HINT3: variants seen among roughly 807,000 people sequenced by gnomAD.
HINT3 encodes the protein adenosine 5'-monophosphoramidase HINT3.
A neutral mutation model predicts 19.1 loss-of-function variants in HINT3; 16 were observed. The observed-to-expected ratio is 0.84, with a 90% CI of 0.57 to 1.27. The LOEUF is 1.27. Among genes scored for constraint, HINT3 ranks in the 50% most tolerant of loss-of-function variants. The pLI is 0.00. For synonymous variants in HINT3, 75 were observed against 84.8 expected, an observed-to-expected ratio of 0.88 and a Z score of 0.63; for missense variants, 197 against 225.8, an observed-to-expected ratio of 0.87 and a Z score of 0.82.
chr6:125,972,011 A>C (rs1362287586), intron 2 of HINT3, among the ~76,000 whole-genome samples: 1 of 151,754 alleles, frequency 6.6e-6, no homozygotes, highest in Non-Finnish European at 1.5e-5. Context: ...GCGCCTGGCC[A>C]CCCAGCTACT....
chr6:125,962,583 A>C (rs2128710865), intron 1 of HINT3, among the ~76,000 whole-genome samples: 1 of 152,254 alleles, frequency 6.6e-6, no homozygotes, highest in South Asian at 2.1e-4. Context: ...GGTTTATATA[A>C]AGTGTAATTC....
At chr6:125,965,357 T>C (rs1449699162) in intron 1 of HINT3, among the ~76,000 whole-genome samples, 3 of 152,166 alleles carry the variant, frequency 2.0e-5, no homozygotes, top group Non-Finnish European at 4.4e-5. Flanking sequence ...TTTAAAAAAT[T>C]AATGCCGTAA....
intron 3 of HINT3, among the ~76,000 whole-genome samples, chr6:125,972,983 T>C (rs1433716267): frequency 6.6e-6 from 1 of 151,842 alleles, no homozygotes; most frequent in Non-Finnish European, 1.5e-5. Flanking sequence ...TAAAAACACA[T>C]GATTATAATT....
Position 125,967,003 on chromosome 6 carries a change from G to T in HINT3, c.318G>T (p.Leu106=). The T allele has an allele frequency of 6.4e-7, 1 of 1,552,188 alleles. No homozygotes were observed. The highest frequency in any genetic ancestry group is 1.1e-5 in the South Asian group (1 of 89,078). Residue 106 remains leucine (L), a splice_region_variant and synonymous_variant, in exon 2 of 5, where the codon CTG becomes CTT. Coordinates refer to ENST00000229633, the MANE Select transcript of HINT3 (RefSeq NM_138571.5). ...CTCTAAGGAAAGATCAAGTAGAACT[G>T]GGTAAGATGATGGCAGTATTCTTCA... ...CRTLRKDQVE[L]VENMVTVGKT...
chr6:125,957,411 G>A (rs1788856571), intron 1 of HINT3, among the ~76,000 whole-genome samples: 2 of 152,256 alleles, frequency 1.3e-5, no homozygotes, highest in Non-Finnish European at 1.5e-5. Context: ...GGGACTGACA[G>A]GCAGTGGCTC....
chr6:125,973,043 C>A, intron 3 of HINT3, among the ~76,000 whole-genome samples: 1 of 145,744 alleles, frequency 6.9e-6, no homozygotes. Flanking sequence ...CTGGCGTAAG[C>A]ACATGATGTT....
chr6:125,959,011 C>T (rs376742083), intron 1 of HINT3, among the ~76,000 whole-genome samples: 11 of 152,066 alleles, frequency 7.2e-5, no homozygotes, highest in Admixed American at 3.9e-4. Flanking sequence ...TCATTAAGCT[C>T]GGGAACACAG....
intron 3 of HINT3, among the ~76,000 whole-genome samples, 195 bp from the exon 4 acceptor site, chr6:125,974,652 C>T (rs1370544014): frequency 1.3e-5 from 2 of 152,090 alleles, no homozygotes; most frequent in African/African-American, 4.8e-5. Context: ...TATGTTACTA[C>T]GAACTTCAAC....
At chr6:125,964,936 G>A (rs963621295) in intron 1 of HINT3, among the ~76,000 whole-genome samples, 2 of 152,148 alleles carry the variant, frequency 1.3e-5, no homozygotes, top group African/African-American at 4.8e-5. Flanking sequence ...ATCTAATTTA[G>A]TCAGGGTGTA....
chr6:125,957,174 G>A lies in HINT3; in HGVS notation c.197G>A (p.Cys66Tyr), dbSNP rs1014462759. Reference sequence around the variant, plus strand: ...GACCCGGGCACCGAACTCCTGCACTGCGAGGTGGGCGGCGACGCGCGGCCG... The same window carrying A: ...GACCCGGGCACCGAACTCCTGCACTACGAGGTGGGCGGCGACGCGCGGCCG... The part of the protein sequence containing the change: ...RQDPGTELLH[C>Y]ENEDLICFKD... The change falls in exon 1 of 5, where the codon TGC becomes TAC. Residue 66 changes from cysteine to tyrosine, a missense_variant. Coordinates refer to ENST00000229633, the MANE Select transcript of HINT3 (RefSeq NM_138571.5). 6.5e-6 allele frequency: 10 copies of A among 1,543,738 alleles called. No individual in the cohort carries two copies. In the East Asian group the frequency reaches 2.0e-4, roughly 30 times the overall value.
intron 2 of HINT3, among the ~76,000 whole-genome samples, chr6:125,969,001 G>C (rs369006196): frequency 6.6e-6 from 1 of 152,102 alleles, no homozygotes; most frequent in African/African-American, 2.4e-5. Context: ...CTGTGCAGAG[G>C]CTCTTTAATT....
At chr6:125,970,055 C>T (rs374546135) in intron 2 of HINT3, among the ~76,000 whole-genome samples, 2 of 152,032 alleles carry the variant, frequency 1.3e-5, no homozygotes, top group East Asian at 1.9e-4. Flanking sequence ...TTAGTTTGAT[C>T]AATATTTTAA....
At chr6:125,960,869 A>G (rs1309612725) in intron 1 of HINT3, among the ~76,000 whole-genome samples, 1 of 152,210 alleles carries the variant, frequency 6.6e-6, no homozygotes, top group Non-Finnish European at 1.5e-5. Flanking sequence ...ATTTTACTAA[A>G]TATAAAAGTA....
Position 125,974,834 on chromosome 6 carries a change from C to T in HINT3, c.390-13C>T, listed in dbSNP as rs536604153. On this transcript the variant is annotated splice_polypyrimidine_tract_variant and intron_variant, in intron 3 of 4. Coordinates refer to ENST00000229633, the MANE Select transcript of HINT3 (RefSeq NM_138571.5). Reference sequence around the variant, plus strand: ...AACTGGTTTGTCAATCATCTCTTTACTTTCTATTTTAGGATGGGTTTTCAT... The same window carrying T: ...AACTGGTTTGTCAATCATCTCTTTATTTTCTATTTTAGGATGGGTTTTCAT... 61 of 1,603,544 alleles carry T rather than the reference C, an allele frequency of 3.8e-5. No individual in the cohort carries two copies. The South Asian group carries it at 6.2e-4, about 16-fold the overall frequency.
intron 2 of HINT3, among the ~76,000 whole-genome samples, chr6:125,967,753 A>G: frequency 6.6e-6 from 1 of 152,232 alleles, no homozygotes. Flanking sequence ...TGGTGAGATC[A>G]TGTTGGTACC....
At chr6:125,960,671 A>AGGGGGGGGGT (rs1562211533) in intron 1 of HINT3, among the ~76,000 whole-genome samples, 1 of 92,472 alleles carries the variant, frequency 1.1e-5, no homozygotes, top group Non-Finnish European at 2.2e-5. Flanking sequence ...GGGGGAAAAA[A>AGGGGGGGGGT]AAAGAAGTTA....
intron 2 of HINT3, among the ~76,000 whole-genome samples, chr6:125,971,800 C>T (rs1035472930): frequency 4.1e-5 from 6 of 147,390 alleles, no homozygotes; most frequent in Non-Finnish European, 7.4e-5. Context: ...ATCTCTGCCT[C>T]CCAGGTTCAA....
Position 125,956,831 on chromosome 6 carries a change from T to G in HINT3, c.-147T>G. ...TTTGAAGTTCCTCACCGCGTCTCCTTCCCTCTCCCCAAAGCCTGGATCACC... is the reference window on the plus strand; with the variant it reads ...TTTGAAGTTCCTCACCGCGTCTCCTGCCCTCTCCCCAAAGCCTGGATCACC... On this transcript the variant is annotated 5_prime_UTR_variant, in exon 1 of 5. Transcript: ENST00000229633. 1 of 845,040 alleles carries G rather than the reference T, an allele frequency of 1.2e-6. No individual in the cohort carries two copies. Among genetic ancestry groups the G allele is most frequent in the Non-Finnish European group, 1.8e-6 (1 of 559,242 alleles). 52.3% of individuals were successfully genotyped at this position (845,040 alleles called of 1,614,324 possible). A position where few individuals can be genotyped will look rare whatever the true frequency, so the allele number is the denominator to read the frequency against.
At position 125,957,008 on chromosome 6, in the gene HINT3, G is replaced by T; in HGVS notation, c.31G>T (p.Gly11Cys). 6.4e-7 allele frequency: 1 copy of T among 1,550,518 alleles called. No individual in the cohort carries two copies. The highest frequency in any genetic ancestry group is 8.7e-7 in the Non-Finnish European group (1 of 1,146,856). MAEEQVNRSA[G>C]LAPDCEASAT... Reference sequence around the variant, plus strand: ...GGAGGAACAGGTGAACCGCAGCGCCGGCCTGGCCCCCGACTGTGAGGCCTC... The same window carrying T: ...GGAGGAACAGGTGAACCGCAGCGCCTGCCTGGCCCCCGACTGTGAGGCCTC... Residue 11 changes from glycine (G) to cysteine (C), a missense_variant, in exon 1 of 5, where the codon GGC becomes TGC. Coordinates refer to ENST00000229633, the MANE Select transcript of HINT3 (RefSeq NM_138571.5).
Sources: allele counts gnomAD v4.1 joint callset (sites outside exome capture counted in the v4.1 genomes callset), GRCh38; gene constraint gnomAD v4.1.1; transcripts MANE v1.5; gene names NCBI Gene and HGNC (gene_info 2026-07-23, HGNC 2026-07-21).